The following IGSF11 variants were observed in gnomAD, a reference collection of about 807,000 sequenced individuals.
The protein encoded by IGSF11 is CXADR like 1.
A neutral mutation model predicts 41.0 loss-of-function variants in IGSF11; 22 were observed. That is an observed-to-expected ratio of 0.54 (90% CI 0.38 to 0.77). The LOEUF (loss-of-function observed/expected upper bound fraction) is 0.77, where lower values mean the gene tolerates loss of function less well. IGSF11 is among the 30% of genes least tolerant of loss of function. IGSF11 has a pLI of 0.00. For missense variants in IGSF11, 444 were observed against 530.8 expected, an observed-to-expected ratio of 0.84 and a Z score of 1.61; for synonymous variants, 219 against 201.3, an observed-to-expected ratio of 1.09 and a Z score of -0.74.
intron 1 of IGSF11, among the ~76,000 whole-genome samples, chr3:118,968,218 G>A (rs1284432287): frequency 2.0e-5 from 3 of 152,104 alleles, no homozygotes; most frequent in African/African-American, 7.2e-5. Context: ...TTCTGGATCT[G>A]GGGGAAACCA....
At chr3:119,144,838 T>C (rs1031311365) in intron 1 of IGSF11, among the ~76,000 whole-genome samples, 31 of 152,352 alleles carry the variant, frequency 2.0e-4, no homozygotes, top group Admixed American at 1.4e-3. Flanking sequence ...TGGGAATTTT[T>C]TTCTTTACGC....
chr3:119,090,236 G>A (rs137870201), intron 1 of IGSF11, among the ~76,000 whole-genome samples: 1 of 152,254 alleles, frequency 6.6e-6, no homozygotes, highest in East Asian at 1.9e-4. Context: ...AATCAGAGAT[G>A]ATACAAATAA....
chr3:118,913,191 G>A (rs1307030075), intron 4 of IGSF11, among the ~76,000 whole-genome samples: 1 of 151,442 alleles, frequency 6.6e-6, no homozygotes, highest in African/African-American at 2.4e-5. Flanking sequence ...AAAAAACATG[G>A]TTTACAGAAT....
chr3:119,015,807 T>G (rs1004947503), intron 1 of IGSF11, among the ~76,000 whole-genome samples: 2 of 151,902 alleles, frequency 1.3e-5, no homozygotes, highest in Non-Finnish European at 2.9e-5. Flanking sequence ...AGTTAGAAAC[T>G]CCTATTCACT....
At chr3:119,063,587 T>C (rs1198978999) in intron 1 of IGSF11, among the ~76,000 whole-genome samples, 1 of 152,242 alleles carries the variant, frequency 6.6e-6, no homozygotes. Context: ...GCAAAAATAC[T>C]TTCTCTTAGC....
chr3:119,068,916 C>CTTTTTTTTTTTTTTTTTTTTTTTT (rs66923529), intron 1 of IGSF11, among the ~76,000 whole-genome samples: 1 of 114,142 alleles, frequency 8.8e-6, no homozygotes, highest in Non-Finnish European at 1.7e-5. Flanking sequence ...TGGTTATTTT[C>CTTTTTTTTTTTTTTTTTTTTTTTT]TTTTTTTTTT....
At chr3:118,939,617 A>G (rs1943530267) in intron 1 of IGSF11, among the ~76,000 whole-genome samples, 1 of 152,036 alleles carries the variant, frequency 6.6e-6, no homozygotes, top group African/African-American at 2.4e-5. Flanking sequence ...CAGGTCAAAG[A>G]AGAAATCACA....
At position 118,975,185 on chromosome 3, in the gene IGSF11, G is replaced by T. The variant is rs143029809; in HGVS notation, c.53-44910C>A. ...TATCTCCTCCTATTGAAGAGATTTT[G>T]CCTTGAACAAAAAAATTAAAATAAA... On this transcript the variant is annotated intron_variant, in intron 1 of 6. Transcript: ENST00000393775. Among the ~76,000 whole-genome samples, 285 of 152,180 alleles carry T rather than the reference G, an allele frequency of 1.9e-3. 1 individual carries two copies. Among genetic ancestry groups the T allele is most frequent in the Non-Finnish European group, 3.6e-3 (242 of 68,000 alleles).
At chr3:118,969,627 T>C (rs1933147109) in intron 1 of IGSF11, among the ~76,000 whole-genome samples, 2 of 152,186 alleles carry the variant, frequency 1.3e-5, no homozygotes, top group African/African-American at 4.8e-5. Context: ...AACTCAGGTG[T>C]GCAAGCAATT....
intron 1 of IGSF11, among the ~76,000 whole-genome samples, chr3:119,031,278 A>AAACAAACT (rs113042307): frequency 1.3e-5 from 2 of 151,240 alleles, no homozygotes; most frequent in African/African-American, 2.4e-5. Context: ...ATAAATAAAC[A>AAACAAACT]AACTAACTAA....
chr3:118,938,244 T>C (rs1943428094), intron 1 of IGSF11, among the ~76,000 whole-genome samples: 1 of 152,198 alleles, frequency 6.6e-6, no homozygotes, highest in African/African-American at 2.4e-5. Flanking sequence ...ACTTCATATC[T>C]GGCTATCAGC....
At chr3:119,084,723 T>TG (rs2107486236) in intron 1 of IGSF11, among the ~76,000 whole-genome samples, 2 of 152,330 alleles carry the variant, frequency 1.3e-5, no homozygotes, top group East Asian at 3.9e-4. Context: ...CTGCCCAACC[T>TG]GGGTCTCTTG....
upstream of IGSF11, among the ~76,000 whole-genome samples, chr3:119,037,514 C>T (rs963426224): frequency 6.6e-6 from 1 of 152,174 alleles, no homozygotes; most frequent in Non-Finnish European, 1.5e-5. Context: ...CCACCCTCAT[C>T]TCTGAGAGAG....
intron 1 of IGSF11, among the ~76,000 whole-genome samples, chr3:119,026,859 CTT>C (rs1384582853): frequency 6.6e-6 from 1 of 152,150 alleles, no homozygotes; most frequent in African/African-American, 2.4e-5. Flanking sequence ...GTTATTCAAA[CTT>C]ATATATTTAG....
At chr3:118,908,952 G>A (rs902758780) in intron 4 of IGSF11, among the ~76,000 whole-genome samples, 3 of 152,166 alleles carry the variant, frequency 2.0e-5, no homozygotes, top group South Asian at 2.1e-4. Context: ...TTCCTCATCT[G>A]TAATATGGAG....
intron 1 of IGSF11, among the ~76,000 whole-genome samples, chr3:119,111,413 A>C (rs1056964153): frequency 6.6e-6 from 1 of 152,082 alleles, no homozygotes. Context: ...TTCTTCACGT[A>C]GTTCTTGAGC....
chr3:118,912,273 C>T (rs767779720), intron 4 of IGSF11, among the ~76,000 whole-genome samples: 28 of 152,182 alleles, frequency 1.8e-4, no homozygotes, highest in Non-Finnish European at 3.7e-4. Context: ...TTTCTGAGTT[C>T]AAGTTTTACT....
chr3:119,135,616 G>C (rs1375219834), intron 1 of IGSF11, among the ~76,000 whole-genome samples: 4 of 152,226 alleles, frequency 2.6e-5, no homozygotes, highest in Admixed American at 6.5e-5. Context: ...CTGTTGGTGG[G>C]AGTGTAAATT....
At position 118,928,591 on chromosome 3, in the gene IGSF11, G is replaced by A. The variant is rs61744389; in HGVS notation, c.342C>T (p.Asp114=). ...TGACCAGGCACTGGTAGGTGCCAGTGTCTGATAACTGAGTGTTATTAATGA... is the reference window on the plus strand; with the variant it reads ...TGACCAGGCACTGGTAGGTGCCAGTATCTGATAACTGAGTGTTATTAATGA... ...SIFINNTQLS[D]TGTYQCLVNN... Residue 114 remains aspartate (D), a synonymous_variant, in exon 3 of 7, where the codon GAC becomes GAT. Transcript: ENST00000393775. 5,923 of 1,613,994 alleles carry A rather than the reference G, an allele frequency of 3.7e-3. 202 individuals are homozygous for A. The African/African-American group carries it at 0.066, about 18-fold the overall frequency.
Sources: gnomAD v4.1 joint callset for allele counts (sites outside exome capture counted in the v4.1 genomes callset) on GRCh38, gnomAD v4.1.1 for gene constraint, MANE v1.5 for transcripts, NCBI Gene and HGNC (gene_info 2026-07-23, HGNC 2026-07-21) for gene names.